Variants in CABP4 observed in about 807,000 individuals in gnomAD.
CABP4 encodes calcium binding protein 4, also known as calcium-binding protein 4.
A neutral mutation model predicts 30.7 loss-of-function variants in CABP4; 30 were observed. That is an observed-to-expected ratio of 0.98 (90% CI 0.73 to 1.33). CABP4 has a LOEUF of 1.33. Among genes scored for constraint, CABP4 ranks in the 40% most tolerant of loss-of-function variants. The pLI is 0.00. For synonymous variants in CABP4, 161 were observed against 159.2 expected (o/e 1.01, Z -0.08); for missense variants, 424 against 395.5 (o/e 1.07, Z -0.61).
chr11:67,456,009 T>C, intron 1 of CABP4, 179 bp from the exon 2 acceptor site: 1 of 1,272,036 alleles, frequency 7.9e-7, no homozygotes, highest in Non-Finnish European at 1.1e-6. Context: ...CTGTGGGAGC[T>C]CCAGGCTCTA....
In CABP4 at chr11:67,460,872, C is replaced by T. The variant is rs1864990680; in HGVS notation, c.*2213C>T. ...TGGTGGCGGGCGCCTGTAGTCCCAG[C>T]TACTAGGGAGGCTGAGGCAAGAGAA... On this transcript the variant is annotated 3_prime_UTR_variant, in exon 6 of 6. Coordinates refer to ENST00000325656, the MANE Select transcript of CABP4 (RefSeq NM_145200.5). Among the ~76,000 whole-genome samples the T allele has an allele frequency of 1.3e-5, 2 of 151,786 alleles. No homozygotes were observed. Among genetic ancestry groups the T allele is most frequent in the African/African-American group, 4.8e-5 (2 of 41,292 alleles).
chr11:67,455,784 G>C lies in CABP4; in HGVS notation c.361G>C (p.Gly121Arg), dbSNP rs549293344. The C allele has an allele frequency of 7.0e-6, 11 of 1,569,692 alleles. No individual in the cohort carries two copies. Among genetic ancestry groups the C allele is most frequent in the African/African-American group, 1.4e-5 (1 of 73,980 alleles). Residue 121 changes from glycine to arginine, a missense_variant, in exon 1 of 6, where the codon GGG (glycine) becomes CGG (arginine). Physicochemically the swap from Gly to Arg is moderately radical, Grantham distance 125. Transcript: ENST00000325656. ...TYGPLLNRVFGKDRELGPEEL... is the reference protein window; with the variant it reads ...TYGPLLNRVFRKDRELGPEEL... Reference sequence around the variant, plus strand: ...CGGGCCCCTGCTCAATCGAGTCTTCGGGAAGGTTAGGTGGGACCTGGATTG... The same window carrying C: ...CGGGCCCCTGCTCAATCGAGTCTTCCGGAAGGTTAGGTGGGACCTGGATTG...
rs758583912 is a variant in CABP4 at position 67,458,671 on chromosome 11, G to A, written c.*12G>A. 6.8e-6 allele frequency: 11 copies of A among 1,613,910 alleles called. No homozygotes were observed. Among genetic ancestry groups the A allele is most frequent in the Non-Finnish European group, 9.3e-6 (11 of 1,180,020 alleles). On this transcript the variant is annotated 3_prime_UTR_variant, in exon 6 of 6. Coordinates refer to ENST00000325656, the MANE Select transcript of CABP4 (RefSeq NM_145200.5). Reference sequence around the variant, plus strand: ...TCTCCCGCCACTGAGGCTCCAGGAGGGAATATCTGTTGCCCCTGCGGCCCC... The same window carrying A: ...TCTCCCGCCACTGAGGCTCCAGGAGAGAATATCTGTTGCCCCTGCGGCCCC...
chr11:67,456,439 C>T lies in CABP4; in HGVS notation c.538C>T (p.Arg180Cys), dbSNP rs1361811313. The change falls in exon 3 of 6, where the codon CGC becomes TGC. Residue 180 changes from arginine to cysteine, a missense_variant. By Grantham distance (180) the Arg-to-Cys change is radical. Transcript: ENST00000325656. The part of the protein sequence containing the change: ...LLEVSQHIKM[R>C]MGGRVDFEEF... ...GGAGGTCTCGCAGCACATCAAGATG[C>T]GCAGTCAGTCAGGGAGCCCGCCCGC... is the stretch of plus-strand genomic sequence containing the variant. The T allele has an allele frequency of 1.3e-5, 21 of 1,610,440 alleles. No homozygotes were observed. The highest frequency in any genetic ancestry group is 1.5e-5 in the Non-Finnish European group (18 of 1,179,940).
In CABP4 at chr11:67,458,691, G is replaced by A. The variant is rs1019686545; in HGVS notation, c.*32G>A. ...AGGAGGGAATATCTGTTGCCCCTGC[G>A]GCCCCAGACACCAGCCAGACCCAGG... On this transcript the variant is annotated 3_prime_UTR_variant, in exon 6 of 6. Transcript: ENST00000325656. 10 of 1,613,122 alleles carry A rather than the reference G, an allele frequency of 6.2e-6. No individual in the cohort carries two copies. Among genetic ancestry groups the A allele is most frequent in the East Asian group, 2.2e-5 (1 of 44,898 alleles).
At position 67,460,967 on chromosome 11, in the gene CABP4, A is replaced by AGAGC. The variant is rs1361035191; in HGVS notation, c.*2312_*2315dup. On this transcript the variant is annotated 3_prime_UTR_variant, in exon 6 of 6. Coordinates refer to ENST00000325656, the MANE Select transcript of CABP4 (RefSeq NM_145200.5). ...ACCACTGCACTCCAGCCTGGGCTAC[A>AGAGC]GAGCGAGACTCCGTCTCGGAAAAAA... Among the ~76,000 whole-genome samples the AGAGC allele has an allele frequency of 1.4e-5, 2 of 140,472 alleles. No homozygotes were observed. The highest frequency in any genetic ancestry group is 3.0e-5 in the Non-Finnish European group (2 of 65,760). The allele number at this position is 140,472 out of a possible 152,430, so 92.2% of individuals were successfully genotyped here. A position where few individuals can be genotyped will look rare whatever the true frequency, so the allele number is the denominator to read the frequency against.
chr11:67,455,683 C>T lies in CABP4; in HGVS notation c.260C>T (p.Ser87Phe), dbSNP rs768085983. 3 of 1,607,964 alleles carry T rather than the reference C, an allele frequency of 1.9e-6. No individual in the cohort carries two copies. In the East Asian group the frequency reaches 6.7e-5, roughly 36 times the overall value. ...GGGCCGGCGGGCGCACCCCCTGCAT[C>T]CCCTGGGCCGGCCTCTTCTCGCCAG... The part of the protein sequence containing the change: ...GEGPAGAPPA[S>F]PGPASSRQSH... The change falls in exon 1 of 6, where the codon TCC (serine) becomes TTC (phenylalanine). Residue 87 changes from serine (S) to phenylalanine (F), a missense_variant. Physicochemically the swap from Ser to Phe is radical, Grantham distance 155. Coordinates refer to ENST00000325656, the MANE Select transcript of CABP4 (RefSeq NM_145200.5).
At chr11:67,457,536 T>C (rs753164724) in intron 3 of CABP4, 37 bp from the exon 4 acceptor site, 7 of 1,528,464 alleles carry the variant, frequency 4.6e-6, no homozygotes, top group Non-Finnish European at 6.2e-6. Flanking sequence ...TCAGACCTTA[T>C]GCCCTCACCA....
Position 67,457,636 on chromosome 11 carries a change from C to T in CABP4, c.605C>T (p.Thr202Met), listed in dbSNP as rs150929930. The T allele has an allele frequency of 3.5e-5, 56 of 1,605,212 alleles. No homozygotes were observed. The African/African-American group carries it at 5.1e-4, about 15-fold the overall frequency. Residue 202 changes from threonine (T) to methionine (M), a missense_variant, in exon 4 of 6, where the codon ACG (threonine) becomes ATG (methionine). Coordinates refer to ENST00000325656, the MANE Select transcript of CABP4 (RefSeq NM_145200.5). ...ELIGPKLREE[T>M]AHMLGVRELR... ...ATAGGCCCAAAGCTGAGGGAGGAGACGGCGCACATGCTGGGGGTGCGAGAG... is the reference window on the plus strand; with the variant it reads ...ATAGGCCCAAAGCTGAGGGAGGAGATGGCGCACATGCTGGGGGTGCGAGAG...
Position 67,457,666 on chromosome 11 carries a change from G to T in CABP4, c.635G>T (p.Arg212Leu). The change falls in exon 4 of 6, where the codon CGC (arginine) becomes CTC (leucine). Residue 212 changes from arginine (R) to leucine (L), a missense_variant. Coordinates refer to ENST00000325656, the MANE Select transcript of CABP4 (RefSeq NM_145200.5). The stretch of plus-strand genomic sequence containing the variant: ...CACATGCTGGGGGTGCGAGAGCTGC[G>T]CATCGCCTTCCGAGAGGTGCGGAGT... Reference protein sequence around the residue: ...TAHMLGVRELRIAFREFDRDR... With the variant: ...TAHMLGVRELLIAFREFDRDR... 6.3e-7 allele frequency: 1 copy of T among 1,593,648 alleles called. No homozygotes were observed.
upstream of CABP4, chr11:67,452,775 A>G (rs1343809210): frequency 2.8e-6 from 4 of 1,415,948 alleles, no homozygotes; most frequent in Admixed American, 6.8e-5. Flanking sequence ...TGGTGAATCA[A>G]TGATGGTGTG....
Position 67,459,529 on chromosome 11 carries a change from G to T in CABP4, c.*870G>T, listed in dbSNP as rs1253627122. The T allele has an allele frequency of 6.6e-6, 1 of 152,290 alleles. No individual in the cohort carries two copies. Among genetic ancestry groups the T allele is most frequent in the Non-Finnish European group, 1.5e-5 (1 of 68,098 alleles). The allele number at this position is 152,290 out of a possible 1,614,324, so 9.4% of individuals were successfully genotyped here. On this transcript the variant is annotated 3_prime_UTR_variant, in exon 6 of 6. Coordinates refer to ENST00000325656, the MANE Select transcript of CABP4 (RefSeq NM_145200.5). Reference sequence around the variant, plus strand: ...ATACAGATGTTCAGGGCCCAGAGTGGAAACAGCTGCCCTAAAGAGCCTGGA... The same window carrying T: ...ATACAGATGTTCAGGGCCCAGAGTGTAAACAGCTGCCCTAAAGAGCCTGGA...
Position 67,457,447 on chromosome 11 carries a change from C to T in CABP4, c.542-126C>T, listed in dbSNP as rs896807033. On this transcript the variant is annotated intron_variant, in intron 3 of 5. Coordinates refer to ENST00000325656, the MANE Select transcript of CABP4 (RefSeq NM_145200.5). The stretch of plus-strand genomic sequence containing the variant: ...GTTCCAGCCTCCTATCTGCTGCAGG[C>T]GTGGACACGGGTGTTTCTTCCTAGG... 4.6e-5 allele frequency: 36 copies of T among 786,158 alleles called. 1 individual carries two copies. Among genetic ancestry groups the T allele is most frequent in the South Asian group, 2.8e-4 (19 of 67,934 alleles). 48.7% of individuals were successfully genotyped at this position (786,158 alleles called of 1,614,324 possible).
rs35146220 is a variant in CABP4, at chr11:67,460,516, T to TACACACAC, written c.*1877_*1884dup. On this transcript the variant is annotated 3_prime_UTR_variant, in exon 6 of 6. Coordinates refer to ENST00000325656, the MANE Select transcript of CABP4 (RefSeq NM_145200.5). Reference sequence around the variant, plus strand: ...AAAAAAATAAAGTATATTTTATATATACACACACACACACACACACACACA... The same window carrying TACACACAC: ...AAAAAAATAAAGTATATTTTATATATACACACACACACACACACACACACACACACACA... Among the ~76,000 whole-genome samples the TACACACAC allele has an allele frequency of 1.6e-3, 236 of 149,486 alleles. 1 individual carries two copies. The highest frequency in any genetic ancestry group is 0.014 in the East Asian group (72 of 5,098).
chr11:67,457,932 C>T (rs1022437131), intron 4 of CABP4, among the ~76,000 whole-genome samples: 1 of 152,074 alleles, frequency 6.6e-6, no homozygotes, highest in Admixed American at 6.5e-5. Context: ...AGATGGTGGG[C>T]AGGGGAGCAT....
chr11:67,452,785 G>T, upstream of CABP4: 1 of 1,325,962 alleles, frequency 7.5e-7, no homozygotes, highest in Non-Finnish European at 1.0e-6. Context: ...ATGATGGTGT[G>T]AATGACCGAG....
chr11:67,458,326 G>A (rs1864894256), intron 4 of CABP4, 45 bp from the exon 5 acceptor site: 1 of 1,550,104 alleles, frequency 6.5e-7, no homozygotes. Context: ...GGCTGAGGCT[G>A]AGGCAGCTTT....
In CABP4 at chr11:67,458,616, CCTT is replaced by C. The variant is rs1037808100; in HGVS notation, c.800-12_800-10del. On this transcript the variant is annotated splice_polypyrimidine_tract_variant and intron_variant, in intron 5 of 5. Transcript: ENST00000325656. ...TGACGTGGACTGACCCAAGCCCTGC[CCTT>C]CTCTCCCGCAGAGTTTGTGATGATG... 1.2e-6 allele frequency: 2 copies of C among 1,614,004 alleles called. No individual in the cohort carries two copies. The highest frequency in any genetic ancestry group is 2.7e-5 in the African/African-American group (2 of 74,924).
chr11:67,452,978 G>C, upstream of CABP4: 1 of 423,554 alleles, frequency 2.4e-6, no homozygotes. Flanking sequence ...AGGTAGGAAG[G>C]GAGGTGCCAG....
Sources: allele counts gnomAD v4.1 joint callset (sites outside exome capture counted in the v4.1 genomes callset), GRCh38; gene constraint gnomAD v4.1.1; transcripts MANE v1.5; gene names NCBI Gene and HGNC (gene_info 2026-07-23, HGNC 2026-07-21).